The following ANGPT2 variants were observed in gnomAD, a reference collection of about 807,000 sequenced individuals.
ANGPT2 encodes angiopoietin-2.
Under a neutral mutation model 62.9 loss-of-function variants are expected in ANGPT2, and 28 were observed. The ratio of observed to expected loss-of-function variants is 0.44; its 90% CI spans 0.33 to 0.61. The LOEUF is 0.61. Among genes scored for constraint, ANGPT2 ranks in the 20% least tolerant of loss-of-function variants. The probability of loss-of-function intolerance (pLI) is 0.03; values close to 1 mark genes in which losing one functional copy is unlikely to be tolerated. For missense variants in ANGPT2, 727 were observed against 594.9 expected (o/e 1.22, Z -2.31); for synonymous variants, 284 against 207.8 (o/e 1.37, Z -3.15).
intron 1 of ANGPT2, among the ~76,000 whole-genome samples, chr8:6,551,053 G>A (rs754995426): frequency 6.6e-6 from 1 of 152,190 alleles, no homozygotes; most frequent in Non-Finnish European, 1.5e-5. Context: ...CTTGTTTTGA[G>A]AAGGGGTAAG....
intron 8 of ANGPT2, among the ~76,000 whole-genome samples, chr8:6,503,940 C>A (rs1016848818): frequency 3.9e-5 from 6 of 152,196 alleles, no homozygotes; most frequent in African/African-American, 1.4e-4. Context: ...GTAGTCCCCC[C>A]TTATCTGCTA....
At chr8:6,505,286 GTTA>G (rs1487887550) in intron 8 of ANGPT2, among the ~76,000 whole-genome samples, 1 of 30,172 alleles carries the variant, frequency 3.3e-5, no homozygotes, top group African/African-American at 1.1e-4. Flanking sequence ...ACATATATAT[GTTA>G]TATACATATA....
Position 6,499,923 on chromosome 8 carries a change from A to C in ANGPT2, c.*3178T>G, listed in dbSNP as rs756539457. The stretch of plus-strand genomic sequence containing the variant: ...TCGAACTGTCTCACCACTTCCCTGC[A>C]GCTCCCGTAAGTCAGATGTTGTTTT... On this transcript the variant is annotated 3_prime_UTR_variant, in exon 9 of 9. Transcript: ENST00000629816. 7.4e-6 allele frequency: 12 copies of C among 1,613,468 alleles called. No homozygotes were observed. The South Asian group carries it at 1.3e-4, about 18-fold the overall frequency.
At chr8:6,560,122 A>G (rs147591273) in intron 1 of ANGPT2, among the ~76,000 whole-genome samples, 4 of 152,290 alleles carry the variant, frequency 2.6e-5, no homozygotes, top group African/African-American at 7.2e-5. Flanking sequence ...TTCCTGACAC[A>G]TGTTTTAATT....
chr8:6,529,762 G>C (rs1254448898), intron 2 of ANGPT2, among the ~76,000 whole-genome samples: 1 of 151,548 alleles, frequency 6.6e-6, no homozygotes, highest in African/African-American at 2.4e-5. Context: ...AGCGTGCTCA[G>C]CTGGCTCAGC....
At chr8:6,505,956 T>C (rs1361448515) in intron 8 of ANGPT2, among the ~76,000 whole-genome samples, 1 of 2,394 alleles carries the variant, frequency 4.2e-4, no homozygotes, top group East Asian at 0.071. Context: ...TATATGTATA[T>C]ATAAAAACAT....
At chr8:6,528,394 C>T (rs1324753685) in intron 2 of ANGPT2, among the ~76,000 whole-genome samples, 1 of 152,188 alleles carries the variant, frequency 6.6e-6, no homozygotes, top group East Asian at 1.9e-4. Flanking sequence ...ATTTATTTGT[C>T]ACTAGACAGA....
chr8:6,533,597 A>T (rs1819948494), intron 1 of ANGPT2, among the ~76,000 whole-genome samples: 1 of 140,188 alleles, frequency 7.1e-6, no homozygotes, highest in East Asian at 2.1e-4. Context: ...TTTTTTAAAT[A>T]ATCTAATGAT....
chr8:6,512,919 A>G (rs534138951), intron 7 of ANGPT2, among the ~76,000 whole-genome samples: 3 of 152,240 alleles, frequency 2.0e-5, no homozygotes, highest in Admixed American at 1.3e-4. Flanking sequence ...AAACTTGACA[A>G]CTAATCTTGA....
intron 2 of ANGPT2, 55 bp from the exon 3 acceptor site, chr8:6,527,731 C>G (rs1483680812): frequency 5.7e-5 from 85 of 1,483,168 alleles, no homozygotes; most frequent in Non-Finnish European, 7.6e-5. Context: ...GTTTAACTTT[C>G]TAACTTCCTT....
At position 6,532,498 on chromosome 8, in the gene ANGPT2, A is replaced by G; in HGVS notation, c.289-11T>C. 1 of 1,608,774 alleles carries G rather than the reference A, an allele frequency of 6.2e-7. No homozygotes were observed. On this transcript the variant is annotated splice_polypyrimidine_tract_variant and intron_variant, in intron 1 of 8. Transcript: ENST00000629816. ...GATATAATTCTCAAGCTAGAAAAGA[A>G]CAGTGTTAGAAGGCAGTCATTAGTC...
intron 7 of ANGPT2, among the ~76,000 whole-genome samples, chr8:6,511,942 G>T (rs182228659): frequency 1.3e-4 from 18 of 138,250 alleles, no homozygotes; most frequent in Admixed American, 1.1e-3. Context: ...ATTCCTAACT[G>T]TTGCCAGTTG....
intron 1 of ANGPT2, among the ~76,000 whole-genome samples, 167 bp downstream of exon 1, chr8:6,562,480 A>G (rs1413742210): frequency 6.8e-6 from 1 of 147,694 alleles, no homozygotes; most frequent in Non-Finnish European, 1.5e-5. Flanking sequence ...CTGGGATAGA[A>G]TAAAAGAAAT....
At chr8:6,525,495 G>C (rs991753991) in intron 3 of ANGPT2, among the ~76,000 whole-genome samples, 6 of 152,190 alleles carry the variant, frequency 3.9e-5, no homozygotes, top group Admixed American at 2.6e-4. Flanking sequence ...CTCCCAAAGT[G>C]CTGGGATTAT....
At position 6,541,566 on chromosome 8, in the gene ANGPT2, T is replaced by TG. The variant is rs550032796; in HGVS notation, c.289-9080dup. Among the ~76,000 whole-genome samples the TG allele has an allele frequency of 3.7e-3, 563 of 152,336 alleles. 1 individual carries two copies. The highest frequency in any genetic ancestry group is 4.5e-3 in the Non-Finnish European group (304 of 68,028). ...AATGCGGAGACGCTCGGCAGGTCCT[T>TG]GGTGGCCTCTGAGTTATTCTGCAGA... On this transcript the variant is annotated intron_variant, in intron 1 of 8. Coordinates refer to ENST00000629816, the MANE Select transcript of ANGPT2 (RefSeq NM_001118887.2).
intron 7 of ANGPT2, among the ~76,000 whole-genome samples, chr8:6,509,292 T>C (rs1814452174): frequency 6.6e-6 from 1 of 152,236 alleles, no homozygotes; most frequent in Non-Finnish European, 1.5e-5. Context: ...CACATATCAC[T>C]TGCACAACTA....
chr8:6,538,425 C>T (rs1820902157), intron 1 of ANGPT2, among the ~76,000 whole-genome samples: 1 of 152,206 alleles, frequency 6.6e-6, no homozygotes, highest in African/African-American at 2.4e-5. Context: ...AAGCTGGTGA[C>T]CGCAGCTCAC....
chr8:6,527,134 C>G (rs544477525), intron 3 of ANGPT2, among the ~76,000 whole-genome samples: 1 of 152,260 alleles, frequency 6.6e-6, no homozygotes, highest in South Asian at 2.1e-4. Flanking sequence ...GCCAGTGGTT[C>G]TTTCACTCCA....
In ANGPT2 at chr8:6,563,013, A is replaced by G. The variant is rs3739391; in HGVS notation, c.-79T>C. On this transcript the variant is annotated 5_prime_UTR_variant, in exon 1 of 9. Coordinates refer to ENST00000629816, the MANE Select transcript of ANGPT2 (RefSeq NM_001118887.2). ...CCAGAGTCCCGAGCTGCTGCCGTCT[A>G]AAACGCAGGGCTGCTACGCTGCCAT... 0.81 allele frequency: 1,196,599 copies of G among 1,472,494 alleles called. 495,939 individuals are homozygous for G. Among genetic ancestry groups the G allele is most frequent in the Non-Finnish European group, 0.85 (933,578 of 1,098,828 alleles). The allele number at this position is 1,472,494 out of a possible 1,614,324, so 91.2% of individuals were successfully genotyped here.
Sources: gnomAD v4.1 joint callset for allele counts (sites outside exome capture counted in the v4.1 genomes callset) on GRCh38, gnomAD v4.1.1 for gene constraint, MANE v1.5 for transcripts, NCBI Gene and HGNC (gene_info 2026-07-23, HGNC 2026-07-21) for gene names.